B3GNT2: variants seen among roughly 807,000 people sequenced by gnomAD.
The protein encoded by B3GNT2 is N-acetyllactosaminide beta-1,3-N-acetylglucosaminyltransferase 2.
In B3GNT2, 12 loss-of-function variants were observed where a neutral mutation model predicts 27.6. That is an observed-to-expected ratio of 0.44 (90% CI 0.28 to 0.71). The LOEUF (loss-of-function observed/expected upper bound fraction) is 0.71, where lower values mean the gene tolerates loss of function less well. Among genes scored for constraint, B3GNT2 ranks in the 30% least tolerant of loss-of-function variants. B3GNT2 has a pLI of 0.17. For missense variants in B3GNT2, 413 were observed against 488.5 expected (o/e 0.85, Z 1.46); for synonymous variants, 192 against 189.7 (o/e 1.01, Z -0.10).
At chr2:62,214,130 G>A (rs1365222328) in intron 1 of B3GNT2, among the ~76,000 whole-genome samples, 1 of 152,188 alleles carries the variant, frequency 6.6e-6, no homozygotes, top group Non-Finnish European at 1.5e-5. Context: ...CAACCTCTGG[G>A]AATGGAGAAG....
intron 1 of B3GNT2, among the ~76,000 whole-genome samples, chr2:62,199,097 C>T (rs1047324081): frequency 3.3e-5 from 5 of 152,200 alleles, no homozygotes; most frequent in African/African-American, 9.7e-5. Context: ...TCCACCACCA[C>T]GCCTGGCTAA....
intron 1 of B3GNT2, among the ~76,000 whole-genome samples, chr2:62,198,842 T>G (rs1674206779): frequency 6.6e-6 from 1 of 152,252 alleles, no homozygotes; most frequent in Non-Finnish European, 1.5e-5. Context: ...ATCGTTGGTA[T>G]GTTCTGAAGA....
chr2:62,208,214 C>T (rs997653170), intron 1 of B3GNT2, among the ~76,000 whole-genome samples: 1 of 129,036 alleles, frequency 7.7e-6, no homozygotes, highest in Non-Finnish European at 1.6e-5. Context: ...CTTCCTTCCC[C>T]CCTTCCTTTC....
At chr2:62,206,012 AC>A (rs1476325474) in intron 1 of B3GNT2, 1 of 154,304 alleles carries the variant, frequency 6.5e-6, no homozygotes, top group African/African-American at 2.4e-5. Flanking sequence ...CAGGATTTGA[AC>A]CTGGGCCTTC....
chr2:62,220,467 T>C (rs1156243687), intron 1 of B3GNT2, among the ~76,000 whole-genome samples: 3 of 152,262 alleles, frequency 2.0e-5, no homozygotes, highest in African/African-American at 7.2e-5. Flanking sequence ...TTTACAGCAT[T>C]CTCAGCATGA....
In B3GNT2 at chr2:62,222,021, T is replaced by A. The variant is rs1377907694; in HGVS notation, c.-9-191T>A. On this transcript the variant is annotated intron_variant, in intron 1 of 1. Transcript: ENST00000301998. The surrounding 1 kb of genome is among the most constrained non-coding windows in gnomAD (Gnocchi z 4.2). ...GATTCCCATTTTATATATGGAGAAG[T>A]TGAGACAGGGACTATCCCACTTGCC... Among the ~76,000 whole-genome samples, 1 of 152,172 alleles carries A rather than the reference T, an allele frequency of 6.6e-6. No individual in the cohort carries two copies. The highest frequency in any genetic ancestry group is 2.4e-5 in the African/African-American group (1 of 41,444).
intron 1 of B3GNT2, among the ~76,000 whole-genome samples, chr2:62,203,072 A>C (rs1256505446): frequency 6.6e-6 from 1 of 152,198 alleles, no homozygotes; most frequent in Non-Finnish European, 1.5e-5. Context: ...ACCTTACAGC[A>C]ATCAACTCTG....
chr2:62,206,421 CTCACTCAG>C (rs1309635496), intron 1 of B3GNT2, among the ~76,000 whole-genome samples: 1 of 152,086 alleles, frequency 6.6e-6, no homozygotes, highest in African/African-American at 2.4e-5. Flanking sequence ...TGGACAAGCC[CTCACTCAG>C]CTAATGGGTG....
At chr2:62,197,589 C>T (rs1490017922) in intron 1 of B3GNT2, among the ~76,000 whole-genome samples, 1 of 152,242 alleles carries the variant, frequency 6.6e-6, no homozygotes, top group Non-Finnish European at 1.5e-5. Flanking sequence ...TTTTGCCCTT[C>T]TCTTGTTGGA....
intron 1 of B3GNT2, among the ~76,000 whole-genome samples, chr2:62,211,113 T>C (rs539211111): frequency 1.8e-4 from 27 of 152,284 alleles, no homozygotes; most frequent in Admixed American, 6.5e-4. Flanking sequence ...CCCAGCACTT[T>C]GGGAGGCTGA....
chr2:62,223,285 A>T lies in B3GNT2; in HGVS notation c.1065A>T (p.Thr355=), dbSNP rs1674758579. 2.5e-6 allele frequency: 4 copies of T among 1,614,212 alleles called. No individual in the cohort carries two copies. Among genetic ancestry groups the T allele is most frequent in the Non-Finnish European group, 2.5e-6 (3 of 1,180,024 alleles). The change falls in exon 2 of 2, where the codon ACA becomes ACT. Residue 355 remains threonine (T), a synonymous_variant. Transcript: ENST00000301998. ...LVPEKHKGFR[T]FDIEEKNKNN... ...CAGAGAAACACAAAGGCTTCAGGAC[A>T]TTTGATATCGAGGAGAAAAACAAAA...
chr2:62,221,617 A>G (rs1411889311), intron 1 of B3GNT2, among the ~76,000 whole-genome samples: 1 of 152,220 alleles, frequency 6.6e-6, no homozygotes, highest in African/African-American at 2.4e-5. Flanking sequence ...GCCCAGCCTG[A>G]GCAACGTAAC....
chr2:62,199,574 C>T (rs1440924693), intron 1 of B3GNT2, among the ~76,000 whole-genome samples: 1 of 152,172 alleles, frequency 6.6e-6, no homozygotes, highest in Non-Finnish European at 1.5e-5. Flanking sequence ...CTGAAAGATT[C>T]TCATAAAGGC....
intron 1 of B3GNT2, among the ~76,000 whole-genome samples, chr2:62,203,641 A>G (rs778323254): frequency 6.6e-6 from 1 of 152,210 alleles, no homozygotes; most frequent in Non-Finnish European, 1.5e-5. Context: ...AGGCAGGACA[A>G]ATGGGCATGA....
rs767688621 is a variant in B3GNT2 at position 62,222,462 on chromosome 2, C to T, written c.242C>T (p.Thr81Met). 20 of 1,613,944 alleles carry T rather than the reference C, an allele frequency of 1.2e-5. No homozygotes were observed. Among genetic ancestry groups the T allele is most frequent in the South Asian group, 5.5e-5 (5 of 91,074 alleles). Reference sequence around the variant, plus strand: ...ATCCTGAGCATGCTGACCAACCAGACGGGGGAGGCGGGCAGGCTCTCCAAT... The same window carrying T: ...ATCCTGAGCATGCTGACCAACCAGATGGGGGAGGCGGGCAGGCTCTCCAAT... ...NPILSMLTNQ[T>M]GEAGRLSNIS... The change falls in exon 2 of 2, where the codon ACG becomes ATG. Residue 81 changes from threonine (T) to methionine (M), a missense_variant. Thr to Met is a moderately conservative substitution (Grantham distance 81). Coordinates refer to ENST00000301998, the MANE Select transcript of B3GNT2 (RefSeq NM_006577.6). The surrounding 1 kb of genome is among the most constrained non-coding windows in gnomAD (Gnocchi z 4.2).
chr2:62,217,190 T>C (rs750050762), intron 1 of B3GNT2, among the ~76,000 whole-genome samples: 6 of 152,206 alleles, frequency 3.9e-5, no homozygotes, highest in Admixed American at 6.5e-5. Context: ...AGATTAACCA[T>C]GGAAAATTAG....
chr2:62,200,421 A>T (rs1674244401), intron 1 of B3GNT2, among the ~76,000 whole-genome samples: 3 of 152,220 alleles, frequency 2.0e-5, no homozygotes, highest in African/African-American at 7.2e-5. Flanking sequence ...TGATATGAGT[A>T]GGATGTACGT....
chr2:62,217,981 G>T (rs1674606908), intron 1 of B3GNT2, among the ~76,000 whole-genome samples: 1 of 152,212 alleles, frequency 6.6e-6, no homozygotes, highest in Non-Finnish European at 1.5e-5. Context: ...CTTTGTGTTT[G>T]TATATGGGGT....
At chr2:62,197,064 G>A (rs1257193854) in intron 1 of B3GNT2, among the ~76,000 whole-genome samples, 1 of 143,482 alleles carries the variant, frequency 7.0e-6, no homozygotes, top group African/African-American at 2.5e-5. Flanking sequence ...TGCGTTGAAT[G>A]ATTAACCAGG....
Sources: gnomAD v4.1 joint callset for allele counts (sites outside exome capture counted in the v4.1 genomes callset) on GRCh38, gnomAD v4.1.1 for gene constraint, Gnocchi (gnomAD v3.1) non-coding constraint, MANE v1.5 for transcripts, NCBI Gene and HGNC (gene_info 2026-07-23, HGNC 2026-07-21) for gene names.